Variants in VIT observed in about 807,000 individuals in gnomAD.
VIT encodes vitrin.
VIT carries 99 observed loss-of-function variants against 78.0 expected under a neutral mutation model. The observed-to-expected ratio is 1.27, with a 90% CI of 1.08 to 1.50. VIT has a LOEUF of 1.50. Among genes scored for constraint, VIT ranks in the 40% most tolerant of loss-of-function variants. The probability of loss-of-function intolerance (pLI) is 0.00; values close to 1 mark genes in which losing one functional copy is unlikely to be tolerated. For synonymous variants in VIT, 374 were observed against 334.3 expected, an observed-to-expected ratio of 1.12 and a Z score of -1.29; for missense variants, 1,126 against 875.3, an observed-to-expected ratio of 1.29 and a Z score of -3.61.
chr2:36,737,330 A>G (rs893598427), intron 3 of VIT, among the ~76,000 whole-genome samples: 1 of 152,208 alleles, frequency 6.6e-6, no homozygotes, highest in Non-Finnish European at 1.5e-5. Flanking sequence ...ATTAGGACCC[A>G]CCAGGCAACA....
At chr2:36,708,155 C>G (rs1427472700) in intron 1 of VIT, among the ~76,000 whole-genome samples, 2 of 150,498 alleles carry the variant, frequency 1.3e-5, no homozygotes, top group African/African-American at 4.9e-5. Flanking sequence ...CCCGTCCTCA[C>G]CAGATCAACC....
chr2:36,769,956 A>T (rs751438946), intron 7 of VIT, among the ~76,000 whole-genome samples: 5 of 152,212 alleles, frequency 3.3e-5, no homozygotes, highest in Non-Finnish European at 5.9e-5. Flanking sequence ...TAATATTTAG[A>T]TAAGTCATGT....
In VIT at chr2:36,767,279, G is replaced by A. The variant is rs753267262; in HGVS notation, c.673G>A (p.Glu225Lys). Residue 225 changes from glutamate to lysine, a missense_variant, in exon 7 of 16, where the codon GAG (glutamate) becomes AAG (lysine). By Grantham distance (56) the Glu-to-Lys change is moderately conservative. Coordinates refer to ENST00000379242, the MANE Select transcript of VIT (RefSeq NM_053276.4). ...ACAATCAGTGGGCCACAGGAGCCAG[G>A]AGATGGGTCAGTAGGTAGACCATGT... ...RPQSVGHRSQ[E>K]MDLWSTATYT... The A allele has an allele frequency of 1.3e-6, 2 of 1,567,118 alleles. No homozygotes were observed. Among genetic ancestry groups the A allele is most frequent in the South Asian group, 1.2e-5 (1 of 82,918 alleles).
intron 3 of VIT, among the ~76,000 whole-genome samples, chr2:36,739,871 C>T (rs777449122): frequency 1.2e-4 from 18 of 152,130 alleles, no homozygotes; most frequent in African/African-American, 4.3e-4. Context: ...CTTTCCCTCA[C>T]GGACGCTAGC....
intron 2 of VIT, among the ~76,000 whole-genome samples, chr2:36,719,741 C>A (rs1348544794): frequency 1.3e-5 from 2 of 152,114 alleles, no homozygotes; most frequent in African/African-American, 4.8e-5. Context: ...GAGTTTGAGA[C>A]CAGCTTGCAA....
intron 14 of VIT, among the ~76,000 whole-genome samples, chr2:36,805,895 A>G (rs1408337141): frequency 6.6e-6 from 1 of 152,150 alleles, no homozygotes; most frequent in East Asian, 1.9e-4. Flanking sequence ...ATTCTCAGCT[A>G]GGTTCTTCCT....
chr2:36,697,466 A>G (rs934330627), intron 1 of VIT, among the ~76,000 whole-genome samples: 2 of 152,156 alleles, frequency 1.3e-5, no homozygotes, highest in Non-Finnish European at 2.9e-5. Context: ...CTATTCAGAC[A>G]GATTTCAGTG....
rs569121704 is a variant in VIT at position 36,805,993 on chromosome 2, C to G, written c.1389+329C>G. The stretch of plus-strand genomic sequence containing the variant: ...ATGCAAGCGAACATACTCTCTCTCT[C>G]TCTCTCACACACACACACACGCACA... On this transcript the variant is annotated intron_variant, in intron 14 of 15. Transcript: ENST00000379242. Among the ~76,000 whole-genome samples, 5 of 152,260 alleles carry G rather than the reference C, an allele frequency of 3.3e-5. No homozygotes were observed. In the East Asian group the frequency reaches 9.7e-4, roughly 29 times the overall value.
At chr2:36,752,857 G>A (rs1370236303) in intron 4 of VIT, among the ~76,000 whole-genome samples, 1 of 152,168 alleles carries the variant, frequency 6.6e-6, no homozygotes, top group East Asian at 1.9e-4. Flanking sequence ...CCATTACTGG[G>A]TACATACCCA....
At chr2:36,774,713 G>T (rs1219179768) in intron 8 of VIT, 2 of 985,180 alleles carry the variant, frequency 2.0e-6, no homozygotes, top group East Asian at 2.3e-4. Flanking sequence ...GGACAAAAAG[G>T]CTTGAGAATG....
chr2:36,795,814 G>A (rs988952429), intron 12 of VIT, among the ~76,000 whole-genome samples: 11 of 152,066 alleles, frequency 7.2e-5, no homozygotes, highest in African/African-American at 2.7e-4. Flanking sequence ...TATTTAAAAT[G>A]GACTCCAAAT....
intron 7 of VIT, among the ~76,000 whole-genome samples, chr2:36,771,372 A>G (rs1026950150): frequency 6.6e-6 from 1 of 152,110 alleles, no homozygotes; most frequent in Admixed American, 6.6e-5. Context: ...CTAAAAATAC[A>G]AAAATTAGCC....
At chr2:36,738,189 C>T (rs1365445304) in intron 3 of VIT, among the ~76,000 whole-genome samples, 1 of 152,148 alleles carries the variant, frequency 6.6e-6, no homozygotes, top group Non-Finnish European at 1.5e-5. Context: ...TCTTCAAGTT[C>T]AGAAAAGCCT....
Position 36,758,990 on chromosome 2 carries a change from T to C in VIT, c.431T>C (p.Val144Ala). 1 of 1,614,092 alleles carries C rather than the reference T, an allele frequency of 6.2e-7. No homozygotes were observed. The highest frequency in any genetic ancestry group is 1.1e-5 in the South Asian group (1 of 91,082). ...GCAGAAAGTAAACCCAAAAAGGGTG[T>C]AACCTACCCATCAGCTCTTACATAC... The part of the protein sequence containing the change: ...IVLESKPKKG[V>A]TYPSALTYSS... Residue 144 changes from valine (V) to alanine (A), a missense_variant, in exon 6 of 16, where the codon GTA becomes GCA. Physicochemically the swap from Val to Ala is moderately conservative, Grantham distance 64. Coordinates refer to ENST00000379242, the MANE Select transcript of VIT (RefSeq NM_053276.4).
chr2:36,712,843 A>C (rs1168533421), intron 1 of VIT, among the ~76,000 whole-genome samples: 2 of 152,230 alleles, frequency 1.3e-5, no homozygotes, highest in Admixed American at 6.5e-5. Context: ...TCAATCAATC[A>C]ATCAATTAAA....
chr2:36,754,119 A>G (rs747568309), intron 4 of VIT, among the ~76,000 whole-genome samples: 1 of 152,162 alleles, frequency 6.6e-6, no homozygotes, highest in Non-Finnish European at 1.5e-5. Flanking sequence ...CTTTCCTTCT[A>G]TGCCACTGGG....
intron 2 of VIT, among the ~76,000 whole-genome samples, chr2:36,722,874 A>G (rs1454566130): frequency 6.6e-6 from 1 of 152,104 alleles, no homozygotes; most frequent in African/African-American, 2.4e-5. Context: ...AGCAATTTTC[A>G]TTATTATAAA....
intron 10 of VIT, among the ~76,000 whole-genome samples, chr2:36,782,331 C>G (rs950043040): frequency 1.3e-5 from 2 of 152,148 alleles, no homozygotes; most frequent in African/African-American, 2.4e-5. Flanking sequence ...ACGACAGGCT[C>G]CTGGCTGAGA....
Position 36,697,406 on chromosome 2 carries a change from T to C in VIT, c.-19+433T>C, listed in dbSNP as rs186127422. On this transcript the variant is annotated intron_variant, in intron 1 of 15. Coordinates refer to ENST00000379242, the MANE Select transcript of VIT (RefSeq NM_053276.4). Reference sequence around the variant, plus strand: ...AATGGCAGTATGAGAAATGGGCACATTGGTGCTAACTTAAAAGAGAAACTA... The same window carrying C: ...AATGGCAGTATGAGAAATGGGCACACTGGTGCTAACTTAAAAGAGAAACTA... Among the ~76,000 whole-genome samples the C allele has an allele frequency of 8.9e-4, 135 of 152,370 alleles. 1 individual carries two copies. The highest frequency in any genetic ancestry group is 3.4e-3 in the Middle Eastern group (1 of 294).
Sources: allele counts gnomAD v4.1 joint callset (sites outside exome capture counted in the v4.1 genomes callset), GRCh38; gene constraint gnomAD v4.1.1; transcripts MANE v1.5; gene names NCBI Gene and HGNC (gene_info 2026-07-23, HGNC 2026-07-21).